Variants in NEXMIF observed in about 807,000 individuals in gnomAD.
NEXMIF encodes the protein neurite extension and migration factor.
A neutral mutation model predicts 62.1 loss-of-function variants in NEXMIF; 8 were observed. The observed-to-expected ratio is 0.13, with a 90% CI of 0.08 to 0.23. The LOEUF is 0.23. NEXMIF is among the 10% of genes least tolerant of loss of function. NEXMIF has a pLI of 1.00. For synonymous variants in NEXMIF, 404 were observed against 416.6 expected (o/e 0.97, Z 0.37); for missense variants, 976 against 1,113.3 (o/e 0.88, Z 1.75).
At chrX:74,809,781 AAC>A (rs1222194433) in intron 1 of NEXMIF, among the ~76,000 whole-genome samples, 5 of 111,729 alleles carry the variant, frequency 4.5e-5, no homozygotes, top group Non-Finnish European at 9.4e-5. Flanking sequence ...CTTGGGTTTC[AAC>A]ACAGTCCAGT....
intron 1 of NEXMIF, among the ~76,000 whole-genome samples, chrX:74,788,796 C>A (rs1354297747): frequency 1.8e-5 from 2 of 110,004 alleles, no homozygotes; most frequent in African/African-American, 6.6e-5. Context: ...TATCCCTTTG[C>A]CAAGAAAAGG....
intron 1 of NEXMIF, among the ~76,000 whole-genome samples, chrX:74,868,088 CCA>C (rs1261750010): frequency 8.9e-6 from 1 of 111,931 alleles, no homozygotes; most frequent in African/African-American, 3.2e-5. Context: ...CCATCTTATG[CCA>C]GTCAGAATGG....
rs72396692 is a variant in NEXMIF at position 74,890,009 on chromosome X, C to CCTCT, written c.-48+34870_-48+34873dup. Among the ~76,000 whole-genome samples the CCTCT allele has an allele frequency of 2.9e-3, 273 of 95,495 alleles. 1 individual carries two copies. The highest frequency in any genetic ancestry group is 9.7e-3 in the African/African-American group (259 of 26,740). 82.9% of individuals were successfully genotyped at this position (95,495 alleles called of 115,157 possible). Reference sequence around the variant, plus strand: ...CTCTCTCATTCTCTTTCTCTCTCTCCCTCTCTCTCTCTCTCTCTCTGCCCC... The same window carrying CCTCT: ...CTCTCTCATTCTCTTTCTCTCTCTCCCTCTCTCTCTCTCTCTCTCTCTCTGCCCC... On this transcript the variant is annotated intron_variant, in intron 1 of 3. Transcript: ENST00000055682.
intron 1 of NEXMIF, among the ~76,000 whole-genome samples, chrX:74,818,515 A>G (rs1218797885): frequency 8.9e-6 from 1 of 112,066 alleles, no homozygotes; most frequent in African/African-American, 3.2e-5. Context: ...AAAACTATAA[A>G]AACCCAGAAA....
At chrX:74,891,167 T>C (rs186082428) in intron 1 of NEXMIF, among the ~76,000 whole-genome samples, 5 of 111,802 alleles carry the variant, frequency 4.5e-5, no homozygotes, top group Admixed American at 3.8e-4. Flanking sequence ...CTTAAAACTC[T>C]TGCTCCACTT....
In NEXMIF at chrX:74,910,788, G is replaced by T. The variant is rs750526952; in HGVS notation, c.-48+14095C>A. Among the ~76,000 whole-genome samples, 3 of 111,345 alleles carry T rather than the reference G, an allele frequency of 2.7e-5. No individual in the cohort carries two copies. In the South Asian group the frequency reaches 1.2e-3, roughly 44 times the overall value. On this transcript the variant is annotated intron_variant, in intron 1 of 3. Coordinates refer to ENST00000055682, the MANE Select transcript of NEXMIF (RefSeq NM_001008537.3). ...CAGTTTCCCCCATACTGTTGTGGTGGTAGTGAATAAGTCTTGCAAGATCTG... is the reference window on the plus strand; with the variant it reads ...CAGTTTCCCCCATACTGTTGTGGTGTTAGTGAATAAGTCTTGCAAGATCTG...
At chrX:74,879,692 C>A (rs891989269) in intron 1 of NEXMIF, among the ~76,000 whole-genome samples, 2 of 111,872 alleles carry the variant, frequency 1.8e-5, no homozygotes, top group Non-Finnish European at 3.8e-5. Context: ...CTGGTCTTAA[C>A]ATTTATAGGC....
intron 1 of NEXMIF, among the ~76,000 whole-genome samples, chrX:74,768,187 C>T (rs2080200250): frequency 9.0e-6 from 1 of 111,667 alleles, no homozygotes; most frequent in Non-Finnish European, 1.9e-5. Flanking sequence ...AAGCATGTGT[C>T]TTCAGTGTTG....
chrX:74,875,226 G>A (rs1378296678), intron 1 of NEXMIF, among the ~76,000 whole-genome samples: 2 of 110,043 alleles, frequency 1.8e-5, no homozygotes, highest in Admixed American at 9.7e-5. Flanking sequence ...TTTGTCAAAG[G>A]CCTTTTCTGC....
chrX:74,866,429 G>A (rs778859549), intron 1 of NEXMIF, among the ~76,000 whole-genome samples: 2 of 111,772 alleles, frequency 1.8e-5, no homozygotes, highest in Admixed American at 9.5e-5. Flanking sequence ...AGGTGGAAGG[G>A]ACTTGTCTTG....
chrX:74,828,863 A>G (rs1602242114), intron 1 of NEXMIF, among the ~76,000 whole-genome samples: 2 of 111,976 alleles, frequency 1.8e-5, no homozygotes, highest in Admixed American at 1.9e-4. Flanking sequence ...GTGCTACGGA[A>G]TCAGCAGTCA....
intron 1 of NEXMIF, among the ~76,000 whole-genome samples, chrX:74,883,147 C>T (rs984781480): frequency 5.4e-5 from 6 of 111,391 alleles, no homozygotes; most frequent in South Asian, 3.8e-4. Context: ...CCCATCTGTA[C>T]GTCACCATCA....
chrX:74,824,633 T>C (rs1258756161), intron 1 of NEXMIF, among the ~76,000 whole-genome samples: 1 of 108,995 alleles, frequency 9.2e-6, no homozygotes, highest in Non-Finnish European at 1.9e-5. Context: ...TGATGGATCA[T>C]ATGGTAATTC....
At chrX:74,844,163 T>G (rs1319704775) in intron 1 of NEXMIF, among the ~76,000 whole-genome samples, 1 of 111,647 alleles carries the variant, frequency 9.0e-6, no homozygotes, top group Non-Finnish European at 1.9e-5. Context: ...GTTAGACTGA[T>G]AACCCCTTTG....
At chrX:74,922,886 G>T (rs1286566453) in intron 1 of NEXMIF, among the ~76,000 whole-genome samples, 1 of 111,347 alleles carries the variant, frequency 9.0e-6, no homozygotes, top group African/African-American at 3.3e-5. Flanking sequence ...TGTCTGGGGG[G>T]GCCAGTTGGG....
In NEXMIF at chrX:74,854,753, C is replaced by T. The variant is rs1412194223; in HGVS notation, c.-48+70130G>A. Among the ~76,000 whole-genome samples, 3 of 111,642 alleles carry T rather than the reference C, an allele frequency of 2.7e-5. No individual in the cohort carries two copies. The Admixed American group carries it at 2.9e-4, about 11-fold the overall frequency. On this transcript the variant is annotated intron_variant, in intron 1 of 3. Transcript: ENST00000055682. Reference sequence around the variant, plus strand: ...CACACACAAATCAGTAGTATTTCTACACATAAATAATCAACTAGCTGAGAA... The same window carrying T: ...CACACACAAATCAGTAGTATTTCTATACATAAATAATCAACTAGCTGAGAA...
chrX:74,849,157 C>T (rs929043466), intron 1 of NEXMIF, among the ~76,000 whole-genome samples: 25 of 111,962 alleles, frequency 2.2e-4, no homozygotes, highest in Admixed American at 1.9e-4. Context: ...TGGAAGCATC[C>T]GGTACTTGCC....
At chrX:74,885,051 G>A (rs1427102147) in intron 1 of NEXMIF, among the ~76,000 whole-genome samples, 2 of 110,113 alleles carry the variant, frequency 1.8e-5, no homozygotes, top group Non-Finnish European at 3.8e-5. Context: ...TGACTACTGG[G>A]TACATAATGA....
In NEXMIF at chrX:74,744,019, A is replaced by G. The variant is rs747924344; in HGVS notation, c.538T>C (p.Ser180Pro). 1 of 1,210,048 alleles carries G rather than the reference A, an allele frequency of 8.3e-7. No individual in the cohort carries two copies. Among genetic ancestry groups the G allele is most frequent in the Admixed American group, 2.2e-5 (1 of 45,961 alleles). ...TTAATACACTGAATCCCTATATCAG[A>G]GACTGCACACGTTTCATAATCCCTA... ...LNRDYETCAV[S>P]DIGIQCINAG... The change falls in exon 3 of 4, where the codon TCT (serine) becomes CCT (proline). Residue 180 changes from serine to proline, a missense_variant. Coordinates refer to ENST00000055682, the MANE Select transcript of NEXMIF (RefSeq NM_001008537.3).
Sources: gnomAD v4.1 joint callset for allele counts (sites outside exome capture counted in the v4.1 genomes callset) on GRCh38, gnomAD v4.1.1 for gene constraint, MANE v1.5 for transcripts, NCBI Gene and HGNC (gene_info 2026-07-23, HGNC 2026-07-21) for gene names.